Variants in CCSER1 observed in about 807,000 individuals in gnomAD.
CCSER1 encodes the protein serine-rich coiled-coil domain-containing protein 1.
CCSER1 carries 41 observed loss-of-function variants against 82.0 expected under a neutral mutation model. That is an observed-to-expected ratio of 0.50 (90% CI 0.39 to 0.65). CCSER1 has a LOEUF of 0.65. Ranked by LOEUF, CCSER1 falls within the 30% of genes least tolerant of loss-of-function variation. The pLI, the probability that CCSER1 is intolerant of heterozygous loss-of-function variation, is 0.00. For synonymous variants in CCSER1, 414 were observed against 383.9 expected (o/e 1.08, Z -0.92); for missense variants, 1,119 against 1,064.2 (o/e 1.05, Z -0.72).
chr4:90,390,225 A>G (rs1288113288), intron 3 of CCSER1, among the ~76,000 whole-genome samples: 2 of 152,202 alleles, frequency 1.3e-5, no homozygotes, highest in East Asian at 1.9e-4. Context: ...GACACATACC[A>G]TTTACATCTT....
intron 5 of CCSER1, among the ~76,000 whole-genome samples, chr4:90,474,106 A>G (rs1764749860): frequency 6.7e-6 from 1 of 149,220 alleles, no homozygotes. Flanking sequence ...GCGCCACTGC[A>G]CTCCAGCCTG....
intron 5 of CCSER1, among the ~76,000 whole-genome samples, chr4:90,565,265 T>A (rs1211763086): frequency 6.8e-6 from 1 of 146,964 alleles, no homozygotes; most frequent in Admixed American, 6.7e-5. Context: ...CCTGAGTATT[T>A]TTTTGTAGGT....
chr4:90,524,660 G>A (rs1773532706), intron 5 of CCSER1, among the ~76,000 whole-genome samples: 1 of 151,998 alleles, frequency 6.6e-6, no homozygotes, highest in Non-Finnish European at 1.5e-5. Flanking sequence ...GTAGAGACAG[G>A]GTTTCACCAT....
intron 9 of CCSER1, among the ~76,000 whole-genome samples, chr4:90,952,609 T>A (rs1733027967): frequency 6.6e-6 from 1 of 152,082 alleles, no homozygotes; most frequent in African/African-American, 2.4e-5. Context: ...GAATTCCTTT[T>A]TTGCCTGAGG....
chr4:90,901,726 C>T (rs533177807), intron 8 of CCSER1, among the ~76,000 whole-genome samples: 5 of 151,848 alleles, frequency 3.3e-5, no homozygotes, highest in Non-Finnish European at 5.9e-5. Flanking sequence ...TTTTTCTCCC[C>T]CTTCATGTTG....
At chr4:91,359,718 G>A (rs1411623654) in intron 10 of CCSER1, among the ~76,000 whole-genome samples, 1 of 151,780 alleles carries the variant, frequency 6.6e-6, no homozygotes, top group African/African-American at 2.4e-5. Context: ...TGAAACAAAG[G>A]CAAACATAAT....
intron 1 of CCSER1, among the ~76,000 whole-genome samples, chr4:90,228,056 G>A (rs531796788): frequency 4.6e-5 from 7 of 152,300 alleles, no homozygotes; most frequent in East Asian, 1.9e-4. Flanking sequence ...AGGGGCGCCC[G>A]CCATTGCCCA....
intron 10 of CCSER1, among the ~76,000 whole-genome samples, chr4:91,562,070 C>T (rs1443347504): frequency 6.6e-6 from 1 of 151,396 alleles, no homozygotes; most frequent in African/African-American, 2.4e-5. Context: ...GAGAATTGTA[C>T]TCCACTGATG....
chr4:91,586,005 G>A (rs1763972808), intron 10 of CCSER1, among the ~76,000 whole-genome samples: 1 of 151,638 alleles, frequency 6.6e-6, no homozygotes, highest in Admixed American at 6.6e-5. Context: ...AGTAGTACAA[G>A]ATAATGGTGT....
intron 5 of CCSER1, among the ~76,000 whole-genome samples, chr4:90,534,759 T>A (rs1775104237): frequency 6.6e-6 from 1 of 152,216 alleles, no homozygotes; most frequent in South Asian, 2.1e-4. Flanking sequence ...ATTGTATTGT[T>A]ATTACTATAG....
At chr4:90,221,721 A>G (rs1742188779) in intron 1 of CCSER1, among the ~76,000 whole-genome samples, 2 of 152,154 alleles carry the variant, frequency 1.3e-5, no homozygotes, top group South Asian at 4.1e-4. Flanking sequence ...ATTACTGTAT[A>G]ATGTCTGCTG....
At chr4:91,140,277 C>T (rs577701783) in intron 10 of CCSER1, among the ~76,000 whole-genome samples, 7 of 151,596 alleles carry the variant, frequency 4.6e-5, no homozygotes, top group Non-Finnish European at 8.8e-5. Flanking sequence ...GATTTTAATT[C>T]ATTTTTGTGT....
At chr4:90,205,364 T>G (rs187455476) in intron 1 of CCSER1, among the ~76,000 whole-genome samples, 10 of 152,238 alleles carry the variant, frequency 6.6e-5, no homozygotes, top group Admixed American at 2.0e-4. Context: ...TGAGATAGGT[T>G]CCCTCAATAC....
intron 5 of CCSER1, among the ~76,000 whole-genome samples, chr4:90,596,560 A>G (rs1334340668): frequency 2.0e-5 from 3 of 151,898 alleles, no homozygotes; most frequent in African/African-American, 2.4e-5. Context: ...TATCAGTTCA[A>G]TAAACTAGCT....
chr4:90,426,676 T>A (rs1370374725), intron 4 of CCSER1, among the ~76,000 whole-genome samples: 1 of 152,200 alleles, frequency 6.6e-6, no homozygotes, highest in African/African-American at 2.4e-5. Flanking sequence ...TACAGCTTTG[T>A]TTATAACTTG....
chr4:91,212,002 T>C (rs535584760), intron 10 of CCSER1, among the ~76,000 whole-genome samples: 1 of 152,266 alleles, frequency 6.6e-6, no homozygotes, highest in African/African-American at 2.4e-5. Context: ...TCATCAGTTA[T>C]GCACATTTGA....
At chr4:90,595,864 A>T (rs1368923131) in intron 5 of CCSER1, among the ~76,000 whole-genome samples, 2 of 152,018 alleles carry the variant, frequency 1.3e-5, no homozygotes, top group Non-Finnish European at 2.9e-5. Context: ...TGGGCAGAAC[A>T]TATCTTTTAT....
intron 1 of CCSER1, among the ~76,000 whole-genome samples, chr4:90,283,584 T>C (rs1448867798): frequency 6.6e-6 from 1 of 152,110 alleles, no homozygotes; most frequent in Non-Finnish European, 1.5e-5. Flanking sequence ...AGTCACCTTA[T>C]TGTGCTATTG....
rs1749268153 is a variant in CCSER1, at chr4:90,755,041, GA to G, written c.2010+31052del. 3.3e-5 allele frequency among the ~76,000 whole-genome samples: 5 copies of G among 152,108 alleles called. No homozygotes were observed. The South Asian group carries it at 1.0e-3, about 32-fold the overall frequency. On this transcript the variant is annotated intron_variant, in intron 7 of 10. Transcript: ENST00000509176. ...CAGATAGTAGTTGGGAGGAAATGGG[GA>G]AGGAGAAAAAAACCATACTTGCTAG...
Sources: gnomAD v4.1 joint callset for allele counts (sites outside exome capture counted in the v4.1 genomes callset) on GRCh38, gnomAD v4.1.1 for gene constraint, MANE v1.5 for transcripts, NCBI Gene and HGNC (gene_info 2026-07-23, HGNC 2026-07-21) for gene names.